Variants in MACROD2 observed in about 807,000 individuals in gnomAD.
MACROD2 encodes mono-ADP ribosylhydrolase 2, also known as ADP-ribose glycohydrolase MACROD2.
Under a neutral mutation model 70.4 loss-of-function variants are expected in MACROD2, and 36 were observed. The observed-to-expected ratio is 0.51, with a 90% confidence interval of 0.39 to 0.68. MACROD2 has a LOEUF of 0.68. Ranked by LOEUF, MACROD2 falls within the 30% of genes least tolerant of loss-of-function variation. The pLI, the probability that MACROD2 is intolerant of heterozygous loss-of-function variation, is 0.00. For missense variants in MACROD2, 496 were observed against 538.4 expected, an observed-to-expected ratio of 0.92 and a Z score of 0.78; for synonymous variants, 172 against 178.8, an observed-to-expected ratio of 0.96 and a Z score of 0.30.
At chr20:14,434,570 T>G (rs966232912) in intron 3 of MACROD2, among the ~76,000 whole-genome samples, 5 of 152,196 alleles carry the variant, frequency 3.3e-5, no homozygotes, top group African/African-American at 1.2e-4. Context: ...GATGTCAGTC[T>G]TGTTAACAAC....
At chr20:15,681,929 G>A (rs10485538) in intron 8 of MACROD2, among the ~76,000 whole-genome samples, 6,671 of 152,212 alleles carry the variant, frequency 0.044, 259 homozygotes, top group East Asian at 0.2. Flanking sequence ...GGCCATTTTT[G>A]TGATTCCCAA....
chr20:15,171,095 G>A (rs1402614918), intron 5 of MACROD2, among the ~76,000 whole-genome samples: 1 of 152,142 alleles, frequency 6.6e-6, no homozygotes, highest in Non-Finnish European at 1.5e-5. Context: ...ATCCCCCTGG[G>A]GGACCTAGCG....
At chr20:15,980,887 C>G (rs2147451764) in intron 13 of MACROD2, among the ~76,000 whole-genome samples, 1 of 152,310 alleles carries the variant, frequency 6.6e-6, no homozygotes, top group South Asian at 2.1e-4. Flanking sequence ...ATTTCTAAAA[C>G]AGCTTGCAAC....
At chr20:14,806,562 A>T (rs2072641375) in intron 5 of MACROD2, among the ~76,000 whole-genome samples, 1 of 151,940 alleles carries the variant, frequency 6.6e-6, no homozygotes, top group South Asian at 2.1e-4. Context: ...TTTGTACCCC[A>T]CTGGCACCTG....
intron 8 of MACROD2, among the ~76,000 whole-genome samples, chr20:15,594,209 C>A (rs1321783771): frequency 2.0e-5 from 3 of 152,066 alleles, no homozygotes; most frequent in African/African-American, 7.2e-5. Context: ...TAAATCTCAT[C>A]CTTTTCTCTC....
chr20:15,080,670 TTC>T (rs1297056957), intron 5 of MACROD2, among the ~76,000 whole-genome samples: 1 of 152,162 alleles, frequency 6.6e-6, no homozygotes, highest in African/African-American at 2.4e-5. Context: ...TTTCCCTGTG[TTC>T]CAGACTCATT....
intron 3 of MACROD2, among the ~76,000 whole-genome samples, chr20:14,420,051 G>A (rs913776415): frequency 1.3e-5 from 2 of 151,678 alleles, no homozygotes; most frequent in Non-Finnish European, 2.9e-5. Context: ...ACCCAAATGT[G>A]GAATTAGTCA....
chr20:16,031,665 G>A (rs553858277), intron 15 of MACROD2, among the ~76,000 whole-genome samples: 7 of 152,136 alleles, frequency 4.6e-5, no homozygotes, highest in Middle Eastern at 3.4e-3. Flanking sequence ...CATGCTCATC[G>A]ATATATAGTA....
chr20:15,373,724 A>G (rs1260091805), intron 6 of MACROD2, among the ~76,000 whole-genome samples: 1 of 152,158 alleles, frequency 6.6e-6, no homozygotes, highest in Non-Finnish European at 1.5e-5. Flanking sequence ...CTTTTCAAGA[A>G]GAAACTTTCT....
At chr20:15,462,960 A>G (rs1255647588) in intron 7 of MACROD2, among the ~76,000 whole-genome samples, 2 of 152,254 alleles carry the variant, frequency 1.3e-5, no homozygotes, top group African/African-American at 4.8e-5. Flanking sequence ...AAAGGCAACT[A>G]TGAATTTGGT....
intron 4 of MACROD2, among the ~76,000 whole-genome samples, chr20:14,655,321 G>C (rs1188352785): frequency 2.4e-5 from 2 of 84,092 alleles, no homozygotes; most frequent in Non-Finnish European, 5.3e-5. Flanking sequence ...AGTGGACACT[G>C]TGTGTGTGTG....
At chr20:15,129,988 C>G (rs1045987395) in intron 5 of MACROD2, among the ~76,000 whole-genome samples, 1 of 152,040 alleles carries the variant, frequency 6.6e-6, no homozygotes, top group Non-Finnish European at 1.5e-5. Context: ...CTTCTCTTGT[C>G]CCTGTGCTTC....
intron 3 of MACROD2, among the ~76,000 whole-genome samples, chr20:14,164,947 T>TG (rs2055245815): frequency 6.6e-6 from 1 of 152,054 alleles, no homozygotes; most frequent in African/African-American, 2.4e-5. Flanking sequence ...AATTTGTCCT[T>TG]GGGGTGTGTG....
intron 7 of MACROD2, among the ~76,000 whole-genome samples, chr20:15,454,573 C>G (rs926647614): frequency 2.6e-5 from 4 of 152,068 alleles, no homozygotes; most frequent in Non-Finnish European, 5.9e-5. Flanking sequence ...ACCCATCACA[C>G]ATATATTTAT....
chr20:14,576,303 A>G (rs1406384270), intron 4 of MACROD2, among the ~76,000 whole-genome samples: 1 of 152,196 alleles, frequency 6.6e-6, no homozygotes, highest in East Asian at 1.9e-4. Flanking sequence ...GCCACTCTTC[A>G]TGGATGATTA....
intron 5 of MACROD2, among the ~76,000 whole-genome samples, chr20:15,176,801 G>C (rs557104832): frequency 5.3e-5 from 8 of 152,310 alleles, no homozygotes; most frequent in African/African-American, 1.9e-4. Flanking sequence ...GCAATGAGAA[G>C]GAGAGAAGAG....
chr20:15,634,583 C>T (rs73103742), intron 8 of MACROD2, among the ~76,000 whole-genome samples: 12,042 of 152,228 alleles, frequency 0.079, 541 homozygotes, highest in Non-Finnish European at 0.091. Context: ...CAGAAACCCA[C>T]GTTACTTACC....
At chr20:14,736,586 A>G (rs2071667639) in intron 5 of MACROD2, among the ~76,000 whole-genome samples, 1 of 152,224 alleles carries the variant, frequency 6.6e-6, no homozygotes, top group Admixed American at 6.5e-5. Context: ...CAGTGATATC[A>G]TTAATATCAG....
At chr20:15,673,104 A>T (rs73897803) in intron 8 of MACROD2, among the ~76,000 whole-genome samples, 3,716 of 152,250 alleles carry the variant, frequency 0.024, 154 homozygotes, top group African/African-American at 0.085. Context: ...CTTTATTAAC[A>T]GTGTGTAAAC....
Sources: allele counts gnomAD v4.1 joint callset (sites outside exome capture counted in the v4.1 genomes callset), GRCh38; gene constraint gnomAD v4.1.1; transcripts MANE v1.5; gene names NCBI Gene and HGNC (gene_info 2026-07-23, HGNC 2026-07-21).